Variants in EPS15L1 observed in about 807,000 individuals in gnomAD.
The protein encoded by EPS15L1 is epidermal growth factor receptor substrate 15-like 1.
EPS15L1 carries 43 observed loss-of-function variants against 117.1 expected under a neutral mutation model. That is an observed-to-expected ratio of 0.37 (90% confidence interval 0.29 to 0.47). The LOEUF is 0.47. EPS15L1 is among the 20% of genes least tolerant of loss of function. EPS15L1 has a pLI of 0.99. For synonymous variants in EPS15L1, 459 were observed against 470.5 expected (o/e 0.98, Z 0.32); for missense variants, 981 against 1,164.0 (o/e 0.84, Z 2.29).
At chr19:16,357,457 T>C (rs191566064) in intron 23 of EPS15L1, 1 of 152,274 alleles carries the variant, frequency 6.6e-6, no homozygotes, top group African/African-American at 2.4e-5. Context: ...GATTTCCCCG[T>C]GGAGGCTCCT....
At chr19:16,398,585 G>A (rs1442268879) in intron 16 of EPS15L1, among the ~76,000 whole-genome samples, 1 of 152,188 alleles carries the variant, frequency 6.6e-6, no homozygotes, top group Non-Finnish European at 1.5e-5. Flanking sequence ...AGAAAGAGAG[G>A]AATCATGACC....
intron 23 of EPS15L1, 31 bp downstream of exon 23, chr19:16,361,748 G>A: frequency 2.5e-6 from 4 of 1,597,452 alleles, no homozygotes; most frequent in Non-Finnish European, 3.4e-6. Flanking sequence ...GAAGGGAGTG[G>A]GGTGGCCCGG....
Position 16,425,325 on chromosome 19 carries a change from G to A in EPS15L1, c.559-9C>T, listed in dbSNP as rs1158160682. 14 of 1,568,182 alleles carry A rather than the reference G, an allele frequency of 8.9e-6. No homozygotes were observed. The highest frequency in any genetic ancestry group is 1.2e-5 in the Non-Finnish European group (14 of 1,152,126). On this transcript the variant is annotated splice_polypyrimidine_tract_variant and intron_variant, in intron 8 of 23. Coordinates refer to ENST00000455140, the MANE Select transcript of EPS15L1 (RefSeq NM_001258374.3). ...TACACCAAGTGCATGGCCTGCAGGT[G>A]CAAACAACAATGGCACTGAAGGGGC...
rs1052077462 is a variant in EPS15L1, at chr19:16,394,132, G to A, written c.1916-131C>T. ...CCTCCAGTGTAGGGAGAGAATGTTA[G>A]TTCCTTCTCTACTATCCACCTGCCC... On this transcript the variant is annotated intron_variant, in intron 17 of 23. Transcript: ENST00000455140. The A allele has an allele frequency of 5.1e-6, 4 of 790,556 alleles. No individual in the cohort carries two copies. In the African/African-American group the frequency reaches 5.1e-5, roughly 10 times the overall value. The allele number at this position is 790,556 out of a possible 1,614,324, so 49.0% of individuals were successfully genotyped here. A position where few individuals can be genotyped will look rare whatever the true frequency, so the allele number is the denominator to read the frequency against.
chr19:16,386,046 G>T, intron 20 of EPS15L1, 125 bp downstream of exon 20: 1 of 742,528 alleles, frequency 1.3e-6, no homozygotes, highest in Non-Finnish European at 2.3e-6. Context: ...CAGGATCTGG[G>T]TGCCACTGAC....
intron 16 of EPS15L1, among the ~76,000 whole-genome samples, chr19:16,396,071 C>T (rs2092537671): frequency 1.3e-5 from 2 of 151,886 alleles, no homozygotes; most frequent in Admixed American, 1.3e-4. Flanking sequence ...TGTGCCACTG[C>T]ACTCCAGCCA....
At chr19:16,424,941 G>A (rs1281828651) in intron 9 of EPS15L1, 142 bp downstream of exon 9, 10 of 784,316 alleles carry the variant, frequency 1.3e-5, no homozygotes, top group East Asian at 2.7e-5. Context: ...GATTACAGGC[G>A]TGAGCCACCG....
intron 1 of EPS15L1, among the ~76,000 whole-genome samples, chr19:16,454,295 C>T (rs1364674791): frequency 1.3e-5 from 2 of 152,144 alleles, no homozygotes; most frequent in Non-Finnish European, 2.9e-5. Flanking sequence ...CATCAGCTTG[C>T]TAAATGAGAA....
At position 16,465,080 on chromosome 19, in the gene EPS15L1, A is replaced by G. The variant is rs537287005; in HGVS notation, c.33+6833T>C. On this transcript the variant is annotated intron_variant, in intron 1 of 23. Coordinates refer to ENST00000455140, the MANE Select transcript of EPS15L1 (RefSeq NM_001258374.3). ...GGCAACAGAGCGAGACTTAGTCTCA[A>G]AAAAAAAAAAAAAATTCACAAGAAA... Among the ~76,000 whole-genome samples the G allele has an allele frequency of 5.0e-3, 745 of 147,840 alleles. 8 individuals are homozygous for G. The highest frequency in any genetic ancestry group is 0.017 in the African/African-American group (712 of 40,870).
intron 19 of EPS15L1, among the ~76,000 whole-genome samples, chr19:16,389,775 G>A (rs2092458177): frequency 6.6e-6 from 1 of 152,100 alleles, no homozygotes; most frequent in Admixed American, 6.6e-5. Context: ...GGACCTACAT[G>A]GTTGCAAGTT....
intron 23 of EPS15L1, among the ~76,000 whole-genome samples, chr19:16,358,685 G>A (rs1177079710): frequency 6.6e-6 from 1 of 152,368 alleles, no homozygotes; most frequent in South Asian, 2.1e-4. Flanking sequence ...ATGGCCCCGG[G>A]AGGCGCCCGG....
At chr19:16,469,727 C>T (rs1484428590) in intron 1 of EPS15L1, among the ~76,000 whole-genome samples, 1 of 152,054 alleles carries the variant, frequency 6.6e-6, no homozygotes, top group Admixed American at 6.6e-5. Flanking sequence ...TAGGCTAGCC[C>T]GCTGGGTTAT....
intron 22 of EPS15L1, among the ~76,000 whole-genome samples, chr19:16,369,930 C>T (rs2092197319): frequency 6.6e-6 from 1 of 152,208 alleles, no homozygotes; most frequent in Admixed American, 6.5e-5. Context: ...ATGAGCCAGG[C>T]ACGGGGAGCC....
intron 5 of EPS15L1, 99 bp downstream of exon 5, chr19:16,437,671 G>A (rs2092991389): frequency 2.4e-6 from 2 of 827,800 alleles, no homozygotes; most frequent in Non-Finnish European, 4.0e-6. Flanking sequence ...GAAGGCTAGA[G>A]AAAACATGGA....
At chr19:16,395,239 A>C in intron 17 of EPS15L1, 105 bp downstream of exon 17, 1 of 1,099,848 alleles carries the variant, frequency 9.1e-7, no homozygotes, top group Non-Finnish European at 1.3e-6. Context: ...TTCCCCCTCC[A>C]TTTCAGATTG....
chr19:16,465,683 A>G (rs1487574266), intron 1 of EPS15L1, among the ~76,000 whole-genome samples: 1 of 151,176 alleles, frequency 6.6e-6, no homozygotes, highest in Non-Finnish European at 1.5e-5. Context: ...GCCTGTCTCT[A>G]AAGGAAAAAG....
chr19:16,466,471 T>C (rs73511194), intron 1 of EPS15L1, among the ~76,000 whole-genome samples: 10,109 of 152,178 alleles, frequency 0.066, 490 homozygotes, highest in African/African-American at 0.13. Flanking sequence ...TCTTTATATC[T>C]GGGCCCCTCC....
chr19:16,445,875 T>C (rs1259188404), intron 1 of EPS15L1, among the ~76,000 whole-genome samples: 1 of 152,214 alleles, frequency 6.6e-6, no homozygotes, highest in East Asian at 1.9e-4. Context: ...GCAGCAGAGC[T>C]GACCCGATGT....
chr19:16,434,161 G>A (rs1230870569), intron 7 of EPS15L1, among the ~76,000 whole-genome samples: 1 of 152,158 alleles, frequency 6.6e-6, no homozygotes, highest in African/African-American at 2.4e-5. Context: ...CCTTCCCCAG[G>A]GACTGGGTGA....
Sources: gnomAD v4.1 joint callset for allele counts (sites outside exome capture counted in the v4.1 genomes callset) on GRCh38, gnomAD v4.1.1 for gene constraint, MANE v1.5 for transcripts, NCBI Gene and HGNC (gene_info 2026-07-23, HGNC 2026-07-21) for gene names.